The following PRPSAP2 variants were observed in gnomAD, a reference collection of about 807,000 sequenced individuals.
PRPSAP2 encodes the protein phosphoribosyl pyrophosphate synthase-associated protein 2.
In PRPSAP2, 24 loss-of-function variants were observed where a neutral mutation model predicts 40.6. The ratio of observed to expected loss-of-function variants is 0.59; its 90% confidence interval spans 0.43 to 0.83. The LOEUF is 0.83. Among genes scored for constraint, PRPSAP2 ranks in the 40% least tolerant of loss-of-function variants. PRPSAP2 has a pLI of 0.00. For missense variants in PRPSAP2, 292 were observed against 465.6 expected (o/e 0.63, Z 3.43); for synonymous variants, 149 against 164.7 (o/e 0.90, Z 0.73).
chr17:18,863,831 C>CTT (rs34770102), intron 1 of PRPSAP2, among the ~76,000 whole-genome samples: 25,799 of 85,516 alleles, frequency 0.3, 3,771 homozygotes, highest in Non-Finnish European at 0.33. Flanking sequence ...ACTGCGTGGC[C>CTT]TTTTTTTTTT....
rs530133515 is a variant in PRPSAP2, at chr17:18,866,600, T to C, written c.119+648T>C. Among the ~76,000 whole-genome samples the C allele has an allele frequency of 7.0e-4, 107 of 152,286 alleles. 1 individual carries two copies. The highest frequency in any genetic ancestry group is 2.5e-3 in the Admixed American group (38 of 15,276). ...CATGTATATTATATGAAATAACTTA[T>C]AGCTTATAGTTTAGTATAATTTTAG... On this transcript the variant is annotated intron_variant, in intron 3 of 11. Transcript: ENST00000268835.
At chr17:18,912,454 C>T (rs753351987) in intron 9 of PRPSAP2, among the ~76,000 whole-genome samples, 2 of 152,170 alleles carry the variant, frequency 1.3e-5, no homozygotes, top group Non-Finnish European at 2.9e-5. Context: ...GCCCCGGCCC[C>T]TCAAAATTCA....
intron 10 of PRPSAP2, among the ~76,000 whole-genome samples, chr17:18,926,404 C>A (rs2151975528): frequency 6.6e-6 from 1 of 151,730 alleles, no homozygotes; most frequent in African/African-American, 2.4e-5. Flanking sequence ...GTAGCTGGGA[C>A]TACAGGTGCA....
intron 9 of PRPSAP2, among the ~76,000 whole-genome samples, chr17:18,922,532 G>T (rs796129944): frequency 9.9e-5 from 15 of 151,984 alleles, no homozygotes; most frequent in African/African-American, 3.6e-4. Context: ...AATGGCTAAT[G>T]ACTTCATTTG....
At chr17:18,873,191 CTTT>C (rs34126027) in intron 5 of PRPSAP2, among the ~76,000 whole-genome samples, 1 of 108,168 alleles carries the variant, frequency 9.2e-6, no homozygotes, top group African/African-American at 3.7e-5. Context: ...AGTAGAGGCT[CTTT>C]TTTTTTTTTT....
At chr17:18,872,359 C>G (rs887536423) in intron 4 of PRPSAP2, among the ~76,000 whole-genome samples, 5 of 151,620 alleles carry the variant, frequency 3.3e-5, no homozygotes, top group African/African-American at 1.2e-4. Flanking sequence ...TATACATTTA[C>G]TTATTTCAAG....
At chr17:18,857,620 C>A (rs2036676342), upstream of PRPSAP2, among the ~76,000 whole-genome samples, 1 of 150,808 alleles carries the variant, frequency 6.6e-6, no homozygotes, top group Non-Finnish European at 1.5e-5. Flanking sequence ...GGGGGTTTCA[C>A]CATGTTGGTC....
At chr17:18,915,274 C>T (rs930524891) in intron 9 of PRPSAP2, among the ~76,000 whole-genome samples, 2 of 152,120 alleles carry the variant, frequency 1.3e-5, no homozygotes, top group African/African-American at 4.8e-5. Context: ...GATCCTTCCA[C>T]CTCAGCCTCC....
chr17:18,904,706 G>A (rs1482426878), intron 8 of PRPSAP2: 1 of 152,256 alleles, frequency 6.6e-6, no homozygotes, highest in Non-Finnish European at 1.5e-5. Context: ...TGTTGCTTTT[G>A]TAAGGAACAG....
chr17:18,912,372 A>G (rs1033146041), intron 9 of PRPSAP2, among the ~76,000 whole-genome samples: 4 of 152,096 alleles, frequency 2.6e-5, no homozygotes, highest in Admixed American at 2.0e-4. Flanking sequence ...TAAAAGCCCT[A>G]CCTCTTAATA....
chr17:18,894,448 C>T (rs1265743472), intron 8 of PRPSAP2, among the ~76,000 whole-genome samples: 2 of 151,140 alleles, frequency 1.3e-5, no homozygotes, highest in Non-Finnish European at 2.9e-5. Context: ...CATGATCCAC[C>T]ATGCCCGGCC....
At chr17:18,858,957 C>G (rs1019720830) in intron 1 of PRPSAP2, among the ~76,000 whole-genome samples, 1 of 152,106 alleles carries the variant, frequency 6.6e-6, no homozygotes, top group African/African-American at 2.4e-5. Context: ...TGTCCATATT[C>G]CTTTCCTGCT....
At chr17:18,869,884 A>G (rs1242178839) in intron 4 of PRPSAP2, among the ~76,000 whole-genome samples, 10 of 99,494 alleles carry the variant, frequency 1.0e-4, no homozygotes, top group Non-Finnish European at 1.9e-4. Context: ...GTCTTGCTCC[A>G]TTGCCCAGGC....
intron 1 of PRPSAP2, chr17:18,860,533 C>T (rs2036930925): frequency 6.6e-6 from 1 of 152,212 alleles, no homozygotes; most frequent in Non-Finnish European, 1.5e-5. Flanking sequence ...CTGCCTGGAC[C>T]TTAAATTCTG....
chr17:18,924,658 A>G (rs577417000), intron 10 of PRPSAP2, among the ~76,000 whole-genome samples: 5 of 151,950 alleles, frequency 3.3e-5, no homozygotes, highest in Non-Finnish European at 7.4e-5. Flanking sequence ...AGTCCCAGCT[A>G]CTTGAGAGGC....
At chr17:18,888,880 C>A (rs905352662) in intron 7 of PRPSAP2, among the ~76,000 whole-genome samples, 5 of 152,194 alleles carry the variant, frequency 3.3e-5, no homozygotes, top group Non-Finnish European at 7.3e-5. Flanking sequence ...TATATAATTT[C>A]CCATTTTAAC....
intron 8 of PRPSAP2, among the ~76,000 whole-genome samples, chr17:18,895,874 A>G (rs926899013): frequency 1.3e-5 from 2 of 152,062 alleles, no homozygotes; most frequent in Admixed American, 6.6e-5. Flanking sequence ...TGATCCACCC[A>G]TCTTGGCCTC....
At chr17:18,900,962 G>A (rs931337662) in intron 8 of PRPSAP2, among the ~76,000 whole-genome samples, 4 of 152,050 alleles carry the variant, frequency 2.6e-5, no homozygotes, top group South Asian at 4.2e-4. Flanking sequence ...GCTGAGTGAG[G>A]GTGAAAGTCC....
intron 8 of PRPSAP2, among the ~76,000 whole-genome samples, chr17:18,898,521 C>G (rs141228956): frequency 1.4e-4 from 22 of 152,250 alleles, no homozygotes; most frequent in African/African-American, 5.3e-4. Context: ...GTCTAGAGTT[C>G]CTTTTCATTC....
Sources: allele counts gnomAD v4.1 joint callset (sites outside exome capture counted in the v4.1 genomes callset), GRCh38; gene constraint gnomAD v4.1.1; transcripts MANE v1.5; gene names NCBI Gene and HGNC (gene_info 2026-07-23, HGNC 2026-07-21).